DSCAM: variants seen among roughly 807,000 people sequenced by gnomAD.
The protein encoded by DSCAM is DS cell adhesion molecule.
A neutral mutation model predicts 217.7 loss-of-function variants in DSCAM; 47 were observed. The observed-to-expected ratio is 0.22, with a 90% CI of 0.17 to 0.28. The LOEUF is 0.28. Among genes scored for constraint, DSCAM ranks in the 10% least tolerant of loss-of-function variants. The pLI, the probability that DSCAM is intolerant of heterozygous loss-of-function variation, is 1.00. For synonymous variants in DSCAM, 1,056 were observed against 1,015.3 expected (o/e 1.04, Z -0.76); for missense variants, 2,080 against 2,618.3 (o/e 0.79, Z 4.49).
intron 11 of DSCAM, among the ~76,000 whole-genome samples, chr21:40,233,940 C>A (rs2091404018): frequency 6.6e-6 from 1 of 152,116 alleles, no homozygotes; most frequent in African/African-American, 2.4e-5. Context: ...CTCCTTCCTG[C>A]CTCGCTTTGG....
chr21:40,438,135 G>C (rs1444966453), intron 3 of DSCAM, among the ~76,000 whole-genome samples: 1 of 152,200 alleles, frequency 6.6e-6, no homozygotes, highest in Non-Finnish European at 1.5e-5. Context: ...TTCTGCCATA[G>C]ACTGTGTGAC....
At chr21:40,507,950 T>G (rs939566224) in intron 3 of DSCAM, among the ~76,000 whole-genome samples, 1 of 152,088 alleles carries the variant, frequency 6.6e-6, no homozygotes, top group South Asian at 2.1e-4. Context: ...CACCAATCCC[T>G]GGACCTTTGT....
At chr21:40,278,420 A>G (rs1415665461) in intron 10 of DSCAM, among the ~76,000 whole-genome samples, 1 of 152,128 alleles carries the variant, frequency 6.6e-6, no homozygotes, top group African/African-American at 2.4e-5. Context: ...CAGAAACAAA[A>G]TAGCATGATT....
chr21:40,742,739 C>T (rs2091136265), intron 1 of DSCAM, among the ~76,000 whole-genome samples: 2 of 152,254 alleles, frequency 1.3e-5, no homozygotes, highest in South Asian at 2.1e-4. Flanking sequence ...GAATGGATTA[C>T]GTCCTATCCT....
At chr21:40,211,752 A>T (rs1164620858) in intron 11 of DSCAM, among the ~76,000 whole-genome samples, 2 of 152,226 alleles carry the variant, frequency 1.3e-5, no homozygotes, top group East Asian at 3.9e-4. Context: ...TTCTATCTAG[A>T]AGTGTTATCA....
chr21:40,277,216 C>A (rs183521841), intron 10 of DSCAM, among the ~76,000 whole-genome samples: 7 of 152,192 alleles, frequency 4.6e-5, no homozygotes, highest in Admixed American at 4.6e-4. Flanking sequence ...GGAAGCTCAA[C>A]GTTTGGGCCA....
At chr21:40,504,578 G>T (rs891933565) in intron 3 of DSCAM, among the ~76,000 whole-genome samples, 1 of 152,088 alleles carries the variant, frequency 6.6e-6, no homozygotes, top group African/African-American at 2.4e-5. Flanking sequence ...AAAAAAAGAA[G>T]AACAACAGAA....
intron 3 of DSCAM, among the ~76,000 whole-genome samples, chr21:40,530,927 A>T (rs971546419): frequency 2.4e-4 from 28 of 114,914 alleles, no homozygotes; most frequent in African/African-American, 1.0e-3. Context: ...TCAACCATCC[A>T]TCCATCCATC....
rs1248496037 is a variant in DSCAM, at chr21:40,275,722, C to G, written c.2356+375G>C. The stretch of plus-strand genomic sequence containing the variant: ...ACAAAAGGCTTTGTAAAGAGCACAT[C>G]TGAGACCATGTATTGAGTTTTTCCA... On this transcript the variant is annotated intron_variant, in intron 11 of 32. Transcript: ENST00000400454. Among the ~76,000 whole-genome samples, 3 of 152,156 alleles carry G rather than the reference C, an allele frequency of 2.0e-5. No individual in the cohort carries two copies. The East Asian group carries it at 5.8e-4, about 29-fold the overall frequency.
At chr21:40,645,246 A>G (rs1305425043) in intron 3 of DSCAM, among the ~76,000 whole-genome samples, 1 of 152,256 alleles carries the variant, frequency 6.6e-6, no homozygotes, top group Non-Finnish European at 1.5e-5. Context: ...GCATAGAAAT[A>G]ACAATCAGCC....
At chr21:40,825,181 G>A (rs2091958286) in intron 1 of DSCAM, among the ~76,000 whole-genome samples, 1 of 152,194 alleles carries the variant, frequency 6.6e-6, no homozygotes, top group Non-Finnish European at 1.5e-5. Context: ...AAGAACTGAA[G>A]ATACTACAAT....
At chr21:40,780,873 C>T (rs903958896) in intron 1 of DSCAM, among the ~76,000 whole-genome samples, 8 of 152,086 alleles carry the variant, frequency 5.3e-5, no homozygotes, top group African/African-American at 1.9e-4. Flanking sequence ...CAGACTAGTA[C>T]TTGAATTGTT....
At chr21:40,658,041 G>A (rs1276202209) in intron 3 of DSCAM, among the ~76,000 whole-genome samples, 1 of 152,164 alleles carries the variant, frequency 6.6e-6, no homozygotes, top group East Asian at 1.9e-4. Context: ...TGATATTGAG[G>A]TATTAATAGA....
intron 2 of DSCAM, 145 bp from the exon 3 acceptor site, chr21:40,693,101 C>T: frequency 2.1e-6 from 2 of 958,698 alleles, no homozygotes; most frequent in East Asian, 2.7e-5. Context: ...GCCTACATTT[C>T]ACGTCTTTCA....
At chr21:40,510,800 T>C (rs541262780) in intron 3 of DSCAM, among the ~76,000 whole-genome samples, 1 of 152,312 alleles carries the variant, frequency 6.6e-6, no homozygotes, top group South Asian at 2.1e-4. Flanking sequence ...AGTTACATAG[T>C]AAACAGTATG....
intron 3 of DSCAM, among the ~76,000 whole-genome samples, chr21:40,599,368 C>T (rs976381161): frequency 2.0e-5 from 3 of 152,080 alleles, no homozygotes; most frequent in Non-Finnish European, 2.9e-5. Flanking sequence ...GCTCTCCCTC[C>T]CTTGGCCCCC....
intron 3 of DSCAM, among the ~76,000 whole-genome samples, chr21:40,628,809 G>A (rs888744211): frequency 2.0e-5 from 3 of 152,028 alleles, no homozygotes; most frequent in African/African-American, 7.3e-5. Flanking sequence ...GTGCAGTGGT[G>A]CGATCTCAGC....
chr21:40,321,964 C>T (rs895166072), intron 8 of DSCAM, among the ~76,000 whole-genome samples: 5 of 152,176 alleles, frequency 3.3e-5, no homozygotes, highest in Non-Finnish European at 4.4e-5. Flanking sequence ...AGGCGCTAGA[C>T]CCTTTTGAGA....
chr21:40,243,404 A>G (rs932252492), intron 11 of DSCAM, among the ~76,000 whole-genome samples: 3 of 152,182 alleles, frequency 2.0e-5, no homozygotes, highest in Non-Finnish European at 2.9e-5. Context: ...CTTTTTCAAT[A>G]GTGAAAGGTA....
Sources: gnomAD v4.1 joint callset for allele counts (sites outside exome capture counted in the v4.1 genomes callset) on GRCh38, gnomAD v4.1.1 for gene constraint, MANE v1.5 for transcripts, NCBI Gene and HGNC (gene_info 2026-07-23, HGNC 2026-07-21) for gene names.